Variants in COL23A1 observed in about 807,000 individuals in gnomAD.
COL23A1 encodes the protein collagen type XXIII alpha 1 chain, also known as collagen alpha-1(XXIII) chain.
In COL23A1, 97 loss-of-function variants were observed where a neutral mutation model predicts 99.3. The observed-to-expected ratio is 0.98, with a 90% CI of 0.83 to 1.16. COL23A1 has a LOEUF of 1.16. COL23A1 is among the 50% of genes most tolerant of loss of function. COL23A1 has a pLI of 0.00. For missense variants in COL23A1, 762 were observed against 757.4 expected (o/e 1.01, Z -0.07); for synonymous variants, 320 against 308.2 (o/e 1.04, Z -0.40).
chr5:178,411,753 T>C (rs1456595314), intron 2 of COL23A1, among the ~76,000 whole-genome samples: 1 of 152,196 alleles, frequency 6.6e-6, no homozygotes, highest in Non-Finnish European at 1.5e-5. Flanking sequence ...TGCTACTGAG[T>C]TGTTCACTTA....
intron 20 of COL23A1, 105 bp downstream of exon 20, chr5:178,248,087 C>T (rs1489583929): frequency 6.0e-6 from 5 of 834,188 alleles, no homozygotes; most frequent in African/African-American, 1.7e-5. Flanking sequence ...CCCTACTGCC[C>T]TGGGTTTGCT....
chr5:178,562,736 T>TGGGGGTGGGGGGGG (rs1762655442), intron 1 of COL23A1: 1 of 106,826 alleles, frequency 9.4e-6, no homozygotes, highest in Admixed American at 9.3e-5. Flanking sequence ...TGGCTGGTGG[T>TGGGGGTGGGGGGGG]GGGGGGGGTG....
At chr5:178,425,306 C>T (rs889668554) in intron 2 of COL23A1, among the ~76,000 whole-genome samples, 3 of 151,960 alleles carry the variant, frequency 2.0e-5, no homozygotes, top group African/African-American at 7.3e-5. Flanking sequence ...ACTGTACTCC[C>T]AGCTACTCGG....
At chr5:178,491,315 G>A (rs150993978) in intron 2 of COL23A1, among the ~76,000 whole-genome samples, 1 of 152,064 alleles carries the variant, frequency 6.6e-6, no homozygotes, top group African/African-American at 2.4e-5. Flanking sequence ...GACCCCAAGA[G>A]GACGACAGTT....
intron 2 of COL23A1, among the ~76,000 whole-genome samples, chr5:178,411,293 CCT>C (rs1413901591): frequency 1.3e-5 from 2 of 152,112 alleles, no homozygotes; most frequent in Non-Finnish European, 2.9e-5. Flanking sequence ...AAATTCACTC[CCT>C]GTTATATACC....
intron 2 of COL23A1, among the ~76,000 whole-genome samples, chr5:178,513,823 G>T (rs1759351492): frequency 6.6e-6 from 1 of 152,086 alleles, no homozygotes; most frequent in Non-Finnish European, 1.5e-5. Flanking sequence ...TTCTCAGGGT[G>T]TGTCTCCTGC....
chr5:178,301,621 C>T (rs1758038148), intron 3 of COL23A1, among the ~76,000 whole-genome samples: 1 of 152,194 alleles, frequency 6.6e-6, no homozygotes, highest in Non-Finnish European at 1.5e-5. Flanking sequence ...CGTTGAGGGC[C>T]TTTCCTGGAC....
intron 1 of COL23A1, among the ~76,000 whole-genome samples, chr5:178,587,290 G>A (rs991380385): frequency 3.3e-5 from 5 of 152,124 alleles, no homozygotes; most frequent in African/African-American, 1.2e-4. Context: ...TGTGTGCCAT[G>A]GGAAGGGTCT....
chr5:178,322,892 G>A (rs1759407939), intron 2 of COL23A1, among the ~76,000 whole-genome samples: 1 of 152,216 alleles, frequency 6.6e-6, no homozygotes. Context: ...GGATAGCTCG[G>A]TGGGCTGTGC....
intron 2 of COL23A1, among the ~76,000 whole-genome samples, chr5:178,400,235 C>T (rs1021833868): frequency 2.6e-5 from 4 of 151,928 alleles, no homozygotes; most frequent in African/African-American, 4.8e-5. Flanking sequence ...GGCGTGGTGG[C>T]GGGCGCCTGT....
At chr5:178,465,883 G>A (rs1041677950) in intron 2 of COL23A1, among the ~76,000 whole-genome samples, 1 of 152,164 alleles carries the variant, frequency 6.6e-6, no homozygotes, top group East Asian at 1.9e-4. Flanking sequence ...GTGTGGACTC[G>A]CCGCTTGCCT....
intron 2 of COL23A1, among the ~76,000 whole-genome samples, chr5:178,495,398 C>T (rs1487639542): frequency 6.6e-6 from 1 of 152,174 alleles, no homozygotes; most frequent in Non-Finnish European, 1.5e-5. Context: ...TAGCCCCAGA[C>T]CTGAGGCCAA....
intron 18 of COL23A1, among the ~76,000 whole-genome samples, chr5:178,249,585 A>G (rs1324516012): frequency 6.6e-6 from 1 of 152,062 alleles, no homozygotes; most frequent in Non-Finnish European, 1.5e-5. Context: ...AACCAATTAC[A>G]TTATGTCCAG....
intron 17 of COL23A1, among the ~76,000 whole-genome samples, chr5:178,251,886 T>TTCTC (rs376891708): frequency 6.6e-6 from 1 of 151,388 alleles, no homozygotes; most frequent in South Asian, 2.1e-4. Context: ...TTTTCTTTCT[T>TTCTC]TCTCTCTCTT....
intron 2 of COL23A1, among the ~76,000 whole-genome samples, chr5:178,504,580 G>A (rs1269654254): frequency 1.3e-5 from 2 of 152,212 alleles, no homozygotes; most frequent in South Asian, 2.1e-4. Context: ...CAGCTGCTGC[G>A]ATGTGGACTG....
Position 178,247,764 on chromosome 5 carries a change from A to G in COL23A1, c.1269+11T>C, listed in dbSNP as rs1300224190. ...GCTGCTTCAAACCAAACCAAAGCAA[A>G]CCGTCCTTACCATCGGGCCTGGGGG... On this transcript the variant is annotated intron_variant, in intron 21 of 28. Transcript: ENST00000390654. 6.2e-7 allele frequency: 1 copy of G among 1,612,812 alleles called. No individual in the cohort carries two copies.
At chr5:178,457,569 G>GA (rs1360049584) in intron 2 of COL23A1, among the ~76,000 whole-genome samples, 1 of 151,974 alleles carries the variant, frequency 6.6e-6, no homozygotes, top group Admixed American at 6.6e-5. Context: ...TTCAAAAGTA[G>GA]AAAAAAATTT....
chr5:178,506,156 T>TGGGCCGGCGCC (rs1479594688), intron 2 of COL23A1, among the ~76,000 whole-genome samples: 2 of 152,224 alleles, frequency 1.3e-5, no homozygotes, highest in Non-Finnish European at 2.9e-5. Context: ...AGGCCTGCTC[T>TGGGCCGGCGCC]GGGCCGGCGC....
intron 2 of COL23A1, among the ~76,000 whole-genome samples, chr5:178,504,313 TAAA>T (rs941447783): frequency 6.6e-6 from 1 of 151,138 alleles, no homozygotes; most frequent in African/African-American, 2.4e-5. Flanking sequence ...AAATGCCAAT[TAAA>T]AAAAAACCTG....
Sources: gnomAD v4.1 joint callset for allele counts (sites outside exome capture counted in the v4.1 genomes callset) on GRCh38, gnomAD v4.1.1 for gene constraint, MANE v1.5 for transcripts, NCBI Gene and HGNC (gene_info 2026-07-23, HGNC 2026-07-21) for gene names.